FAM184A: variants seen among roughly 807,000 people sequenced by gnomAD.
FAM184A encodes the protein family with sequence similarity 184 member A, also known as protein FAM184A.
FAM184A carries 99 observed loss-of-function variants against 143.8 expected under a neutral mutation model. The ratio of observed to expected loss-of-function variants is 0.69; its 90% confidence interval spans 0.58 to 0.81. The LOEUF (loss-of-function observed/expected upper bound fraction) is 0.81. Among genes scored for constraint, FAM184A ranks in the 40% least tolerant of loss-of-function variants. The probability of loss-of-function intolerance (pLI) is 0.00; values close to 1 mark genes in which losing one functional copy is unlikely to be tolerated. For synonymous variants in FAM184A, 427 were observed against 446.4 expected, an observed-to-expected ratio of 0.96 and a Z score of 0.55; for missense variants, 1,217 against 1,310.5, an observed-to-expected ratio of 0.93 and a Z score of 1.10.
At chr6:119,046,876 C>G (rs1234443417) in intron 1 of FAM184A, among the ~76,000 whole-genome samples, 1 of 152,044 alleles carries the variant, frequency 6.6e-6, no homozygotes, top group African/African-American at 2.4e-5. Flanking sequence ...CAAAAATGAA[C>G]AAATGGGATT....
chr6:119,058,175 C>CTTTTTTT (rs5879483), intron 1 of FAM184A, among the ~76,000 whole-genome samples: 1 of 89,736 alleles, frequency 1.1e-5, no homozygotes, highest in Non-Finnish European at 2.1e-5. Flanking sequence ...CTCCTTCTCT[C>CTTTTTTT]TTTTTTTTTT....
At chr6:119,069,949 C>T (rs1787620030) in intron 1 of FAM184A, among the ~76,000 whole-genome samples, 1 of 151,974 alleles carries the variant, frequency 6.6e-6, no homozygotes, top group Admixed American at 6.6e-5. Flanking sequence ...TTTCCAACTT[C>T]CTCAAACTTT....
chr6:119,016,658 A>G, intron 5 of FAM184A, 89 bp downstream of exon 5: 1 of 1,134,144 alleles, frequency 8.8e-7, no homozygotes, highest in Non-Finnish European at 1.3e-6. Flanking sequence ...TCTTGAAGTC[A>G]GTGAGACCAA....
chr6:119,065,140 A>G (rs1192307907), intron 1 of FAM184A, among the ~76,000 whole-genome samples: 1 of 152,188 alleles, frequency 6.6e-6, no homozygotes. Context: ...TGGTTGGTCC[A>G]TGTAACCAAT....
intron 1 of FAM184A, among the ~76,000 whole-genome samples, chr6:119,035,700 T>C (rs1786084702): frequency 6.6e-6 from 1 of 152,160 alleles, no homozygotes; most frequent in Non-Finnish European, 1.5e-5. Context: ...AACCTTATCT[T>C]AACCCAGACA....
chr6:119,095,707 C>T (rs142746763), intron 1 of FAM184A, among the ~76,000 whole-genome samples: 1 of 152,166 alleles, frequency 6.6e-6, no homozygotes, highest in Non-Finnish European at 1.5e-5. Context: ...TACAAGTGCA[C>T]ACCACCACAC....
At chr6:119,019,937 G>A (rs199781204) in intron 4 of FAM184A, 41 bp downstream of exon 4, 469 of 1,454,704 alleles carry the variant, frequency 3.2e-4, no homozygotes, top group African/African-American at 1.5e-3. Flanking sequence ...AGAGAAAAAC[G>A]GAACTCTTTC....
chr6:118,960,249 G>A, intron 17 of FAM184A, 65 bp from the exon 18 acceptor site: 1 of 1,349,330 alleles, frequency 7.4e-7, no homozygotes. Context: ...GAAGGCAAAA[G>A]CACATAAAAC....
Position 119,102,499 on chromosome 6 carries a change from C to T in FAM184A, c.-202+46579G>A, listed in dbSNP as rs17080830. Among the ~76,000 whole-genome samples the T allele has an allele frequency of 7.8e-3, 1,185 of 152,046 alleles. 14 individuals carry two copies. Among genetic ancestry groups the T allele is most frequent in the African/African-American group, 0.027 (1,118 of 41,482 alleles). ...CAGAAAATCTTGAGTTTGAAAATAT[C>T]ACTATAGGCTGGGCACAGTGGCTCA... is the stretch of plus-strand genomic sequence containing the variant. On this transcript the variant is annotated intron_variant, in intron 1 of 16. Transcript: ENST00000352896.
intron 1 of FAM184A, among the ~76,000 whole-genome samples, chr6:119,128,067 C>T (rs1174324067): frequency 6.6e-6 from 1 of 152,090 alleles, no homozygotes; most frequent in African/African-American, 2.4e-5. Context: ...TCCTTATAAC[C>T]TCCTCCCTTT....
At chr6:118,986,116 AC>A (rs1188590519) in intron 9 of FAM184A, among the ~76,000 whole-genome samples, 3 of 151,932 alleles carry the variant, frequency 2.0e-5, no homozygotes, top group Non-Finnish European at 2.9e-5. Context: ...ACACGGTGAA[AC>A]CCCGTCTCTA....
At chr6:119,033,404 G>A (rs958178919) in intron 1 of FAM184A, among the ~76,000 whole-genome samples, 6 of 151,636 alleles carry the variant, frequency 4.0e-5, no homozygotes, top group African/African-American at 4.8e-5. Flanking sequence ...GGTGGCTCAC[G>A]CCTGTAATTC....
chr6:118,996,731 T>C (rs1784573443), intron 9 of FAM184A, among the ~76,000 whole-genome samples: 1 of 152,062 alleles, frequency 6.6e-6, no homozygotes, highest in African/African-American at 2.4e-5. Flanking sequence ...GATTTTATTT[T>C]TGAGACAGAA....
intron 1 of FAM184A, among the ~76,000 whole-genome samples, chr6:119,114,472 A>G (rs745651383): frequency 2.4e-4 from 36 of 152,306 alleles, no homozygotes; most frequent in Admixed American, 6.5e-4. Context: ...TCACCACTTC[A>G]TAGATTCTTC....
Position 118,974,420 on chromosome 6 carries a change from T to G in FAM184A, c.2915+8A>C. 2 of 1,603,136 alleles carry G rather than the reference T, an allele frequency of 1.2e-6. No homozygotes were observed. The highest frequency in any genetic ancestry group is 1.7e-6 in the Non-Finnish European group (2 of 1,175,684). ...CACATATGAATTTTCTTATATAATA[T>G]GACTTACGACACTTGTAAAGCGGCA... On this transcript the variant is annotated splice_region_variant and intron_variant, in intron 14 of 17. Transcript: ENST00000338891.
chr6:119,057,049 AAAT>A (rs1787004473), intron 1 of FAM184A, among the ~76,000 whole-genome samples: 1 of 152,242 alleles, frequency 6.6e-6, no homozygotes, highest in African/African-American at 2.4e-5. Flanking sequence ...AGTAGGATAT[AAAT>A]AATTCACATG....
chr6:119,040,973 T>C (rs1204932125), intron 1 of FAM184A, among the ~76,000 whole-genome samples: 1 of 152,152 alleles, frequency 6.6e-6, no homozygotes, highest in Non-Finnish European at 1.5e-5. Flanking sequence ...TTTGCAAGCA[T>C]TTGAGGGGTT....
In FAM184A at chr6:119,078,421, C is replaced by T. The variant is rs1423331608; in HGVS notation, c.-122G>A. On this transcript the variant is annotated 5_prime_UTR_variant, in exon 1 of 18. Coordinates refer to ENST00000338891, the MANE Select transcript of FAM184A (RefSeq NM_024581.6). This position sits in a 1 kb window ranked among gnomAD's most constrained non-coding sequence, Gnocchi z 5.5. ...TCCCGACCCGACACCCGGCGCCCCCCAGACTCGGCCGCAGGCGCCGTCCCA... is the reference window on the plus strand; with the variant it reads ...TCCCGACCCGACACCCGGCGCCCCCTAGACTCGGCCGCAGGCGCCGTCCCA... 6 of 1,041,790 alleles carry T rather than the reference C, an allele frequency of 5.8e-6. No individual in the cohort carries two copies. In the African/African-American group the frequency reaches 8.5e-5, roughly 15 times the overall value. The allele number at this position is 1,041,790 out of a possible 1,614,324, so 64.5% of individuals were successfully genotyped here.
intron 1 of FAM184A, among the ~76,000 whole-genome samples, chr6:119,139,647 T>TA (rs34268474): frequency 0.32 from 44,998 of 142,476 alleles, 7,116 homozygotes; most frequent in East Asian, 0.51. Flanking sequence ...ATATTTAAAG[T>TA]AAAAAAAAAA....
Sources: gnomAD v4.1 joint callset for allele counts (sites outside exome capture counted in the v4.1 genomes callset) on GRCh38, gnomAD v4.1.1 for gene constraint, Gnocchi (gnomAD v3.1) non-coding constraint, MANE v1.5 for transcripts, NCBI Gene and HGNC (gene_info 2026-07-23, HGNC 2026-07-21) for gene names.